TESK2: variants seen among roughly 807,000 people sequenced by gnomAD.
TESK2 encodes the protein testis associated actin remodelling kinase 2.
A neutral mutation model predicts 57.1 loss-of-function variants in TESK2; 39 were observed. That is an observed-to-expected ratio of 0.68 (90% confidence interval 0.53 to 0.89). The LOEUF (loss-of-function observed/expected upper bound fraction) is 0.89, where lower values mean the gene tolerates loss of function less well. TESK2 is among the 40% of genes least tolerant of loss of function. TESK2 has a pLI of 0.00. For synonymous variants in TESK2, 249 were observed against 267.9 expected (o/e 0.93, Z 0.69); for missense variants, 646 against 732.1 (o/e 0.88, Z 1.36).
intron 3 of TESK2, among the ~76,000 whole-genome samples, chr1:45,419,076 C>T (rs1321948378): frequency 1.3e-5 from 2 of 151,320 alleles, no homozygotes; most frequent in Non-Finnish European, 2.9e-5. Flanking sequence ...CTCCCAGGTT[C>T]AAGAGCTTCT....
chr1:45,355,613 G>A (rs1347013234), intron 4 of TESK2, among the ~76,000 whole-genome samples, 164 bp from the exon 5 acceptor site: 1 of 152,098 alleles, frequency 6.6e-6, no homozygotes, highest in Non-Finnish European at 1.5e-5. Flanking sequence ...TGCACACAAT[G>A]ACACTTTCCT....
intron 4 of TESK2, 98 bp from the exon 5 acceptor site, chr1:45,355,547 ATT>A: frequency 5.4e-6 from 7 of 1,296,386 alleles, no homozygotes; most frequent in South Asian, 1.6e-5. Context: ...GAGAGACTGT[ATT>A]TTTTTTTTAA....
intron 3 of TESK2, chr1:45,415,020 C>T (rs759752241): frequency 7.6e-5 from 75 of 990,644 alleles, no homozygotes; most frequent in Non-Finnish European, 1.1e-4. Flanking sequence ...GTACTATCAG[C>T]CATGGTCAAC....
chr1:45,441,032 A>G (rs1218676870), intron 2 of TESK2, among the ~76,000 whole-genome samples: 1 of 152,252 alleles, frequency 6.6e-6, no homozygotes, highest in Non-Finnish European at 1.5e-5. Context: ...TAGCTTTCAG[A>G]GACCTTGAAG....
At chr1:45,419,922 A>C (rs2642902) in intron 3 of TESK2, among the ~76,000 whole-genome samples, 109,699 of 152,254 alleles carry the variant, frequency 0.72, 39,792 homozygotes, top group South Asian at 0.76. Flanking sequence ...AAGGATAAAA[A>C]GTTTCAAGTA....
intron 4 of TESK2, among the ~76,000 whole-genome samples, chr1:45,373,848 G>A (rs182652913): frequency 7.9e-5 from 12 of 152,290 alleles, no homozygotes; most frequent in Admixed American, 3.3e-4. Flanking sequence ...GGTATATTGG[G>A]AGACCCTCCT....
At position 45,421,802 on chromosome 1, in the gene TESK2, G is replaced by T. The variant is rs368906198; in HGVS notation, c.267C>A (p.Asn89Lys). 2 of 1,613,904 alleles carry T rather than the reference G, an allele frequency of 1.2e-6. No homozygotes were observed. Among genetic ancestry groups the T allele is most frequent in the African/African-American group, 1.3e-5 (1 of 74,890 alleles). Residue 89 changes from asparagine (N) to lysine (K), a missense_variant, in exon 3 of 11, where the codon AAC becomes AAA. Asn to Lys is a moderately conservative substitution (Grantham distance 94). Transcript: ENST00000372086. Reference protein sequence around the residue: ...ASGQVMALKMNTLSSNRANML... With the variant: ...ASGQVMALKMKTLSSNRANML... Reference sequence around the variant, plus strand: ...TGTTTGCCCGGTTACTGCTCAATGTGTTCATCTTAAGAGCCATCACCTGAC... The same window carrying T: ...TGTTTGCCCGGTTACTGCTCAATGTTTTCATCTTAAGAGCCATCACCTGAC...
chr1:45,476,269 G>T (rs1193385509), intron 1 of TESK2, among the ~76,000 whole-genome samples: 1 of 152,080 alleles, frequency 6.6e-6, no homozygotes, highest in Non-Finnish European at 1.5e-5. Context: ...CACTTTGGGA[G>T]GCCCGAGGCA....
intron 2 of TESK2, among the ~76,000 whole-genome samples, chr1:45,432,731 A>C: frequency 6.9e-6 from 1 of 145,768 alleles, no homozygotes; most frequent in Non-Finnish European, 1.5e-5. Flanking sequence ...AATGATAGTC[A>C]CCATACTCTC....
chr1:45,354,559 G>A (rs966326973), intron 5 of TESK2, among the ~76,000 whole-genome samples: 1 of 151,678 alleles, frequency 6.6e-6, no homozygotes, highest in Non-Finnish European at 1.5e-5. Flanking sequence ...CCAGGAGGTG[G>A]AGGTTGCAGT....
chr1:45,484,375 C>G (rs1191907653), intron 1 of TESK2, among the ~76,000 whole-genome samples: 32 of 152,044 alleles, frequency 2.1e-4, no homozygotes, highest in Admixed American at 9.8e-4. Context: ...GCCCAAAGTG[C>G]TGGAGTTACA....
intron 3 of TESK2, among the ~76,000 whole-genome samples, chr1:45,404,164 A>G (rs188399647): frequency 2.6e-4 from 39 of 152,324 alleles, no homozygotes; most frequent in Non-Finnish European, 5.3e-4. Context: ...TTCTGAAACA[A>G]TACTCTCACA....
intron 1 of TESK2, among the ~76,000 whole-genome samples, chr1:45,478,980 T>C (rs1428148047): frequency 6.6e-6 from 1 of 152,176 alleles, no homozygotes; most frequent in Non-Finnish European, 1.5e-5. Context: ...TGTCTCAGCC[T>C]CCCAAAGTGC....
chr1:45,482,959 G>A (rs1314888978), intron 1 of TESK2, among the ~76,000 whole-genome samples: 2 of 135,848 alleles, frequency 1.5e-5, no homozygotes, highest in Admixed American at 1.6e-4. Context: ...CAGTCTGGGT[G>A]ACAAGAACAA....
chr1:45,406,082 A>C (rs2149281914), intron 3 of TESK2, among the ~76,000 whole-genome samples: 1 of 151,970 alleles, frequency 6.6e-6, no homozygotes, highest in African/African-American at 2.4e-5. Context: ...AAACAAAAAA[A>C]TTATCCCAGT....
chr1:45,435,161 C>A (rs1651145819), intron 2 of TESK2, among the ~76,000 whole-genome samples: 1 of 151,906 alleles, frequency 6.6e-6, no homozygotes, highest in South Asian at 2.1e-4. Context: ...GGGTATCACT[C>A]TGTTACCCAG....
intron 3 of TESK2, among the ~76,000 whole-genome samples, chr1:45,391,163 C>A (rs894324508): frequency 6.6e-6 from 1 of 151,102 alleles, no homozygotes; most frequent in Non-Finnish European, 1.5e-5. Context: ...TGATCCGCCC[C>A]CCTCAGCCTC....
chr1:45,371,632 G>A (rs111317647), intron 4 of TESK2, among the ~76,000 whole-genome samples: 7 of 152,170 alleles, frequency 4.6e-5, no homozygotes, highest in African/African-American at 1.4e-4. Context: ...GGAGGCTGAG[G>A]TGGGCGAATT....
At chr1:45,433,873 T>C (rs1282602386) in intron 2 of TESK2, among the ~76,000 whole-genome samples, 2 of 152,214 alleles carry the variant, frequency 1.3e-5, no homozygotes, top group South Asian at 2.1e-4. Flanking sequence ...CTGTTTTCCA[T>C]AGTGACCATA....
Sources: allele counts gnomAD v4.1 joint callset (sites outside exome capture counted in the v4.1 genomes callset), GRCh38; gene constraint gnomAD v4.1.1; transcripts MANE v1.5; gene names NCBI Gene and HGNC (gene_info 2026-07-23, HGNC 2026-07-21).